GRIK3: variants seen among roughly 807,000 people sequenced by gnomAD.
GRIK3 encodes the protein glutamate ionotropic receptor kainate type subunit 3, also known as glutamate receptor ionotropic, kainate 3.
In GRIK3, 29 loss-of-function variants were observed where a neutral mutation model predicts 102.5. The observed-to-expected ratio is 0.28, with a 90% confidence interval of 0.21 to 0.39. The LOEUF is 0.39. Among genes scored for constraint, GRIK3 ranks in the 10% least tolerant of loss-of-function variants. GRIK3 has a pLI of 1.00. For synonymous variants in GRIK3, 511 were observed against 504.9 expected (o/e 1.01, Z -0.16); for missense variants, 908 against 1,252.4 (o/e 0.73, Z 4.15).
At chr1:36,894,995 T>G (rs1291637271) in intron 1 of GRIK3, among the ~76,000 whole-genome samples, 1 of 152,150 alleles carries the variant, frequency 6.6e-6, no homozygotes, top group Non-Finnish European at 1.5e-5. Flanking sequence ...AGGGAAATAC[T>G]CAACTCCAGC....
chr1:37,010,293 T>G (rs1289620182), intron 1 of GRIK3, among the ~76,000 whole-genome samples: 1 of 152,224 alleles, frequency 6.6e-6, no homozygotes, highest in African/African-American at 2.4e-5. Flanking sequence ...TGTAAATATG[T>G]TAAGAGCCAT....
intron 1 of GRIK3, among the ~76,000 whole-genome samples, chr1:36,918,137 C>A (rs1016400797): frequency 6.6e-6 from 1 of 152,214 alleles, no homozygotes; most frequent in Non-Finnish European, 1.5e-5. Context: ...TTCTGTGTAA[C>A]CTTCTGGTGT....
At chr1:36,837,359 A>G (rs1640391628) in intron 10 of GRIK3, among the ~76,000 whole-genome samples, 1 of 151,354 alleles carries the variant, frequency 6.6e-6, no homozygotes, top group Admixed American at 6.6e-5. Flanking sequence ...GGACACCATC[A>G]CCTCCTTAAC....
chr1:36,850,600 C>A lies in GRIK3; in HGVS notation c.1213-176G>T, dbSNP rs1281713748. ...ATAACCGTTCTGGACAACATCCCTG[C>A]AGCTCTCCCTCCTCTCCTGACGAGG... On this transcript the variant is annotated intron_variant, in intron 8 of 15. Transcript: ENST00000373091. This position sits in a 1 kb window ranked among gnomAD's most constrained non-coding sequence, Gnocchi z 4.0. Among the ~76,000 whole-genome samples, 1 of 152,256 alleles carries A rather than the reference C, an allele frequency of 6.6e-6. No homozygotes were observed.
chr1:36,942,565 C>T (rs945168639), intron 1 of GRIK3, among the ~76,000 whole-genome samples: 1 of 152,136 alleles, frequency 6.6e-6, no homozygotes, highest in African/African-American at 2.4e-5. Context: ...AAGTCAAGGG[C>T]CAAACCCCAC....
intron 1 of GRIK3, among the ~76,000 whole-genome samples, chr1:36,979,884 T>G (rs3753775): frequency 0.15 from 23,538 of 152,142 alleles, 2,524 homozygotes; most frequent in African/African-American, 0.31. Context: ...AGGAGGGGTT[T>G]GCAAGAGAAG....
At chr1:36,961,872 G>A (rs1253317396) in intron 1 of GRIK3, among the ~76,000 whole-genome samples, 9 of 152,188 alleles carry the variant, frequency 5.9e-5, no homozygotes, top group South Asian at 2.1e-4. Context: ...CAGTAATCAG[G>A]ACAACCAACC....
At chr1:36,912,678 T>G (rs1262363061) in intron 1 of GRIK3, among the ~76,000 whole-genome samples, 1 of 152,098 alleles carries the variant, frequency 6.6e-6, no homozygotes, top group East Asian at 1.9e-4. Context: ...CGTTGTGCTG[T>G]GCTGAGTCCT....
chr1:37,016,369 C>A (rs1642652239), intron 1 of GRIK3, among the ~76,000 whole-genome samples: 2 of 152,186 alleles, frequency 1.3e-5, no homozygotes, highest in Non-Finnish European at 2.9e-5. Flanking sequence ...TGATTAGACT[C>A]ACCTTAGGGT....
At chr1:36,892,682 A>C (rs949273175) in intron 1 of GRIK3, among the ~76,000 whole-genome samples, 2 of 152,228 alleles carry the variant, frequency 1.3e-5, no homozygotes, top group Non-Finnish European at 2.9e-5. Flanking sequence ...TTTCCTGATA[A>C]AATGACTCTA....
At chr1:36,978,229 C>G (rs1642214274) in intron 1 of GRIK3, among the ~76,000 whole-genome samples, 1 of 152,250 alleles carries the variant, frequency 6.6e-6, no homozygotes, top group South Asian at 2.1e-4. Context: ...TAATGCATCA[C>G]AATGCATTAC....
At chr1:36,854,221 C>A (rs934809696) in intron 7 of GRIK3, among the ~76,000 whole-genome samples, 1 of 152,202 alleles carries the variant, frequency 6.6e-6, no homozygotes, top group Non-Finnish European at 1.5e-5. Context: ...AGAACTCTGG[C>A]GTCTGAATGC....
intron 13 of GRIK3, 145 bp downstream of exon 13, chr1:36,816,915 C>A: frequency 6.3e-6 from 4 of 631,336 alleles, no homozygotes; most frequent in Non-Finnish European, 8.4e-6. Context: ...GTCAACTAGT[C>A]CAAACACGGT....
At position 36,806,107 on chromosome 1, in the gene GRIK3, T is replaced by C; in HGVS notation, c.2311A>G (p.Met771Val). The change falls in exon 14 of 16, where the codon ATG (methionine) becomes GTG (valine). Residue 771 changes from methionine (M) to valine (V), a missense_variant. This residue lies in a region of GRIK3 where 297 missense variants were observed against 362.7 expected (regional missense o/e 0.82). Coordinates refer to ENST00000373091, the MANE Select transcript of GRIK3 (RefSeq NM_000831.4). This position sits in a 1 kb window ranked among gnomAD's most constrained non-coding sequence, Gnocchi z 4.0. ...CCACAGGCAGCCCCTCGCTCACCCA[T>C]GGGCGTGCCGATGCCGTAGCCCTTG... ...DSKGYGIGTP[M>V]GSPYRDKITI... 1.3e-6 allele frequency: 2 copies of C among 1,590,094 alleles called. No homozygotes were observed. The highest frequency in any genetic ancestry group is 1.7e-6 in the Non-Finnish European group (2 of 1,163,114).
At chr1:36,978,897 G>A (rs536961437) in intron 1 of GRIK3, among the ~76,000 whole-genome samples, 13 of 152,274 alleles carry the variant, frequency 8.5e-5, no homozygotes, top group East Asian at 3.9e-4. Flanking sequence ...AACAAACTCC[G>A]CCTCTTGATA....
intron 4 of GRIK3, among the ~76,000 whole-genome samples, chr1:36,871,480 CCTTTTACACAAAGCG>C (rs1384378836): frequency 6.6e-6 from 1 of 152,232 alleles, no homozygotes; most frequent in African/African-American, 2.4e-5. Flanking sequence ...GACATAATTG[CCTTTTACACAAAGCG>C]CCAGCTCAAA....
chr1:37,015,873 G>A (rs1333876741), intron 1 of GRIK3, among the ~76,000 whole-genome samples: 1 of 152,256 alleles, frequency 6.6e-6, no homozygotes, highest in South Asian at 2.1e-4. Flanking sequence ...AGGACTACAG[G>A]GAGCGAACAA....
At chr1:36,947,028 A>G (rs1300813129) in intron 1 of GRIK3, among the ~76,000 whole-genome samples, 2 of 152,136 alleles carry the variant, frequency 1.3e-5, no homozygotes, top group Admixed American at 6.5e-5. Context: ...GGAGTTTCTA[A>G]GATTGTAGCA....
intron 1 of GRIK3, among the ~76,000 whole-genome samples, chr1:37,009,061 G>A (rs866614228): frequency 2.8e-5 from 4 of 144,926 alleles, no homozygotes; most frequent in African/African-American, 1.1e-4. Context: ...TTCCTCATCT[G>A]TAAAATGGAG....
Sources: allele counts gnomAD v4.1 joint callset (sites outside exome capture counted in the v4.1 genomes callset), GRCh38; gene constraint gnomAD v4.1.1; regional missense constraint gnomAD v4.1.1; non-coding constraint Gnocchi (gnomAD v3.1); transcripts MANE v1.5; gene names NCBI Gene and HGNC (gene_info 2026-07-23, HGNC 2026-07-21).